ABHD3: variants seen among roughly 807,000 people sequenced by gnomAD.
ABHD3 encodes the protein phospholipase ABHD3.
A neutral mutation model predicts 48.8 loss-of-function variants in ABHD3; 46 were observed. The ratio of observed to expected loss-of-function variants is 0.94; its 90% CI spans 0.74 to 1.20. The LOEUF is 1.20. Ranked by LOEUF, ABHD3 falls within the 50% of genes most tolerant of loss-of-function variation. The pLI is 0.00. For synonymous variants in ABHD3, 192 were observed against 183.7 expected, an observed-to-expected ratio of 1.04 and a Z score of -0.36; for missense variants, 490 against 497.8, an observed-to-expected ratio of 0.98 and a Z score of 0.15.
chr18:21,662,844 T>C (rs758227089), intron 5 of ABHD3, among the ~76,000 whole-genome samples: 52 of 152,152 alleles, frequency 3.4e-4, no homozygotes, highest in African/African-American at 7.2e-5. Context: ...CCCAGGAGCA[T>C]TGAATAGAGA....
chr18:21,666,879 T>A (rs765306473), intron 4 of ABHD3, among the ~76,000 whole-genome samples: 9 of 152,020 alleles, frequency 5.9e-5, no homozygotes, highest in Non-Finnish European at 8.8e-5. Flanking sequence ...AGTGTGTGTG[T>A]CAGAATTAAG....
chr18:21,663,939 C>A (rs751563736), intron 5 of ABHD3, 179 bp downstream of exon 5: 349 of 1,427,134 alleles, frequency 2.4e-4, no homozygotes, highest in Non-Finnish European at 3.1e-4. Flanking sequence ...TTAAAATTCA[C>A]CTGAATTAAT....
At chr18:21,659,907 T>C (rs1305337908) in intron 5 of ABHD3, among the ~76,000 whole-genome samples, 1 of 151,158 alleles carries the variant, frequency 6.6e-6, no homozygotes, top group Non-Finnish European at 1.5e-5. Flanking sequence ...TGACCTCAAG[T>C]GACCTGCCCA....
At chr18:21,682,016 G>A (rs1394579361) in intron 4 of ABHD3, 1 of 152,210 alleles carries the variant, frequency 6.6e-6, no homozygotes. Context: ...ACACACCTCT[G>A]GTTCCACCTA....
At chr18:21,690,610 C>CA (rs1187134445) in intron 3 of ABHD3, among the ~76,000 whole-genome samples, 1 of 151,446 alleles carries the variant, frequency 6.6e-6, no homozygotes, top group East Asian at 1.9e-4. Context: ...AAAAACAAAA[C>CA]AAAAAAATCC....
At chr18:21,677,448 G>A (rs1045810334) in intron 4 of ABHD3, among the ~76,000 whole-genome samples, 1 of 150,244 alleles carries the variant, frequency 6.7e-6, no homozygotes, top group Admixed American at 6.7e-5. Flanking sequence ...CTCGTGACCC[G>A]CCCGCCTGGG....
At chr18:21,664,835 A>C (rs1446988993) in intron 4 of ABHD3, among the ~76,000 whole-genome samples, 1 of 152,112 alleles carries the variant, frequency 6.6e-6, no homozygotes, top group African/African-American at 2.4e-5. Context: ...GGGTCTTGCT[A>C]TGTTGTCCAG....
At position 21,667,305 on chromosome 18, in the gene ABHD3, C is replaced by T. The variant is rs564667414; in HGVS notation, c.556-3075G>A. ...TGTTGCCCAGGCTGGAGTGCAATGG[C>T]GAGATCTCGGCTCACCGCAACCTCC... On this transcript the variant is annotated intron_variant, in intron 4 of 8. Coordinates refer to ENST00000289119, the MANE Select transcript of ABHD3 (RefSeq NM_138340.5). 9.4e-5 allele frequency among the ~76,000 whole-genome samples: 12 copies of T among 128,282 alleles called. No individual in the cohort carries two copies. In the East Asian group the frequency reaches 3.0e-3, roughly 32 times the overall value. The allele number at this position is 128,282 out of a possible 152,430, so 84.2% of individuals were successfully genotyped here. A position where few individuals can be genotyped will look rare whatever the true frequency, so the allele number is the denominator to read the frequency against.
chr18:21,672,339 G>A (rs1394158369), intron 4 of ABHD3, among the ~76,000 whole-genome samples: 1 of 152,132 alleles, frequency 6.6e-6, no homozygotes, highest in East Asian at 1.9e-4. Flanking sequence ...TTTCAGGGCT[G>A]GGGTTACCGC....
intron 8 of ABHD3, among the ~76,000 whole-genome samples, chr18:21,656,135 G>A (rs1286202971): frequency 6.6e-6 from 1 of 152,164 alleles, no homozygotes; most frequent in Non-Finnish European, 1.5e-5. Flanking sequence ...CAGCCTGGGC[G>A]ACAGAGCGAA....
At chr18:21,651,930 T>C (rs2039231972) in intron 8 of ABHD3, among the ~76,000 whole-genome samples, 167 bp from the exon 9 acceptor site, 1 of 152,228 alleles carries the variant, frequency 6.6e-6, no homozygotes, top group Non-Finnish European at 1.5e-5. Flanking sequence ...GGAATGAGTC[T>C]ACCTTATATC....
chr18:21,663,646 C>T lies in ABHD3; in HGVS notation c.668+472G>A, dbSNP rs969526837. Reference sequence around the variant, plus strand: ...GCACTCCACAGTAGTTCCATTTGCCCAGCAACAAAACAAAACAAAACAAAA... The same window carrying T: ...GCACTCCACAGTAGTTCCATTTGCCTAGCAACAAAACAAAACAAAACAAAA... On this transcript the variant is annotated intron_variant, in intron 5 of 8. Transcript: ENST00000289119. 6.5e-6 allele frequency: 10 copies of T among 1,532,522 alleles called. No homozygotes were observed. In the Admixed American group the frequency reaches 2.0e-4, roughly 30 times the overall value. 94.9% of individuals were successfully genotyped at this position (1,532,522 alleles called of 1,614,324 possible). A position where few individuals can be genotyped will look rare whatever the true frequency, so the allele number is the denominator to read the frequency against.
intron 3 of ABHD3, among the ~76,000 whole-genome samples, chr18:21,691,377 CATT>C (rs1253374817): frequency 6.6e-6 from 1 of 152,130 alleles, no homozygotes; most frequent in African/African-American, 2.4e-5. Context: ...GTCTGAAAAA[CATT>C]ATCAATAGTA....
intron 4 of ABHD3, 167 bp from the exon 5 acceptor site, chr18:21,664,397 T>A: frequency 1.6e-6 from 1 of 620,100 alleles, no homozygotes; most frequent in Non-Finnish European, 2.6e-6. Context: ...GCAGCGCACA[T>A]ACATGCCATT....
At chr18:21,653,077 A>AGAAAG (rs2039263527) in intron 8 of ABHD3, among the ~76,000 whole-genome samples, 2 of 76,154 alleles carry the variant, frequency 2.6e-5, no homozygotes, top group South Asian at 4.8e-4. Flanking sequence ...AAAAAAAAAA[A>AGAAAG]AAAGAGCTGG....
chr18:21,675,036 C>A (rs1422416355), intron 4 of ABHD3, among the ~76,000 whole-genome samples: 2 of 152,068 alleles, frequency 1.3e-5, no homozygotes, highest in African/African-American at 2.4e-5. Context: ...AAACCTGAGT[C>A]CTTAACCCCA....
At chr18:21,672,891 C>T (rs1043481950) in intron 4 of ABHD3, among the ~76,000 whole-genome samples, 6 of 152,126 alleles carry the variant, frequency 3.9e-5, no homozygotes, top group African/African-American at 1.4e-4. Context: ...TGGGAGTTTG[C>T]TAATTTTAAA....
intron 3 of ABHD3, among the ~76,000 whole-genome samples, chr18:21,696,667 G>T (rs2040377043): frequency 6.6e-6 from 1 of 152,060 alleles, no homozygotes; most frequent in Non-Finnish European, 1.5e-5. Flanking sequence ...TGGTTTCCAT[G>T]AAGAGGGCTT....
At chr18:21,660,105 G>A (rs1272266818) in intron 5 of ABHD3, among the ~76,000 whole-genome samples, 5 of 141,168 alleles carry the variant, frequency 3.5e-5, no homozygotes, top group South Asian at 2.3e-4. Flanking sequence ...GGGACTACAC[G>A]TGTCCGCCAT....
Sources: allele counts gnomAD v4.1 joint callset (sites outside exome capture counted in the v4.1 genomes callset), GRCh38; gene constraint gnomAD v4.1.1; transcripts MANE v1.5; gene names NCBI Gene and HGNC (gene_info 2026-07-23, HGNC 2026-07-21).